The following DIAPH3 variants were observed in gnomAD, a reference collection of about 807,000 sequenced individuals.
DIAPH3 encodes the protein protein diaphanous homolog 3.
DIAPH3 carries 117 observed loss-of-function variants against 144.3 expected under a neutral mutation model. The ratio of observed to expected loss-of-function variants is 0.81; its 90% CI spans 0.70 to 0.95. DIAPH3 has a LOEUF of 0.95. Among genes scored for constraint, DIAPH3 ranks in the 40% least tolerant of loss-of-function variants. The probability of loss-of-function intolerance (pLI) is 0.00; values close to 1 mark genes in which losing one functional copy is unlikely to be tolerated. For missense variants in DIAPH3, 1,421 were observed against 1,412.7 expected (o/e 1.01, Z -0.09); for synonymous variants, 519 against 488.9 (o/e 1.06, Z -0.81).
At chr13:59,814,478 G>C (rs1355014259) in intron 24 of DIAPH3, among the ~76,000 whole-genome samples, 4 of 152,132 alleles carry the variant, frequency 2.6e-5, no homozygotes, top group Admixed American at 1.3e-4. Context: ...GTGAGTCTGA[G>C]ACTAATATCC....
chr13:59,770,460 A>AATAAAAAC (rs2038067236), intron 27 of DIAPH3, among the ~76,000 whole-genome samples: 1 of 152,154 alleles, frequency 6.6e-6, no homozygotes, highest in Admixed American at 6.6e-5. Flanking sequence ...ACAGACACTG[A>AATAAAAAC]ATAAAAACAT....
intron 20 of DIAPH3, among the ~76,000 whole-genome samples, chr13:59,888,316 C>T (rs2045576397): frequency 6.6e-6 from 1 of 152,078 alleles, no homozygotes; most frequent in African/African-American, 2.4e-5. Context: ...TGGGCCCTCA[C>T]CAGAAATGGA....
chr13:60,044,460 G>A (rs549031290), intron 4 of DIAPH3: 1 of 152,250 alleles, frequency 6.6e-6, no homozygotes, highest in South Asian at 2.1e-4. Flanking sequence ...TGAAAGCTAT[G>A]AAAATGAACA....
At chr13:59,932,884 T>G (rs761410798) in intron 17 of DIAPH3, among the ~76,000 whole-genome samples, 4 of 152,208 alleles carry the variant, frequency 2.6e-5, no homozygotes, top group Admixed American at 6.5e-5. Context: ...TGAAGCCAGA[T>G]AATGAGTCTA....
intron 25 of DIAPH3, among the ~76,000 whole-genome samples, chr13:59,803,383 T>C (rs933233614): frequency 6.6e-6 from 1 of 152,174 alleles, no homozygotes; most frequent in Non-Finnish European, 1.5e-5. Context: ...CATTTAATCT[T>C]TTATTCCCAG....
chr13:59,818,970 A>G (rs1217877191), intron 24 of DIAPH3, among the ~76,000 whole-genome samples: 2 of 151,654 alleles, frequency 1.3e-5, no homozygotes, highest in Non-Finnish European at 3.0e-5. Flanking sequence ...AATATTTCAT[A>G]TATTGTTACT....
chr13:59,688,310 T>A (rs2033324616), intron 27 of DIAPH3, among the ~76,000 whole-genome samples: 1 of 152,008 alleles, frequency 6.6e-6, no homozygotes, highest in Admixed American at 6.6e-5. Context: ...CCCAAACATA[T>A]TAAAAATGTC....
intron 22 of DIAPH3, among the ~76,000 whole-genome samples, chr13:59,843,113 C>T (rs2042435451): frequency 6.6e-6 from 1 of 152,208 alleles, no homozygotes; most frequent in Admixed American, 6.5e-5. Flanking sequence ...CCCTACCTGT[C>T]TTTAGTCACT....
At chr13:60,090,559 GTA>G (rs2057896493) in intron 4 of DIAPH3, among the ~76,000 whole-genome samples, 1 of 152,086 alleles carries the variant, frequency 6.6e-6, no homozygotes, top group East Asian at 1.9e-4. Flanking sequence ...CATAACAAAA[GTA>G]TATCTTTTTT....
At chr13:59,796,184 G>C (rs576144701) in intron 25 of DIAPH3, among the ~76,000 whole-genome samples, 7 of 152,322 alleles carry the variant, frequency 4.6e-5, no homozygotes, top group African/African-American at 1.7e-4. Flanking sequence ...GGCGTAAATG[G>C]TGGGCTAATT....
chr13:59,857,871 T>C (rs1035676463), intron 22 of DIAPH3, among the ~76,000 whole-genome samples: 10 of 152,116 alleles, frequency 6.6e-5, no homozygotes, highest in Admixed American at 5.2e-4. Flanking sequence ...CAGCTCTGCA[T>C]TGAGATGCTG....
At chr13:59,844,339 C>T (rs2042508560) in intron 22 of DIAPH3, among the ~76,000 whole-genome samples, 1 of 151,824 alleles carries the variant, frequency 6.6e-6, no homozygotes, top group African/African-American at 2.4e-5. Flanking sequence ...CCCGTCTCTA[C>T]TAAAAATATA....
intron 3 of DIAPH3, among the ~76,000 whole-genome samples, chr13:60,106,624 A>G (rs2138025101): frequency 6.6e-6 from 1 of 152,256 alleles, no homozygotes; most frequent in African/African-American, 2.4e-5. Context: ...ACACATATAA[A>G]CTGAACACAT....
intron 5 of DIAPH3, among the ~76,000 whole-genome samples, chr13:60,019,214 C>A (rs2053849636): frequency 6.6e-6 from 1 of 152,012 alleles, no homozygotes; most frequent in African/African-American, 2.4e-5. Flanking sequence ...TAAGAAGCAA[C>A]CTAGAAAAAA....
At chr13:59,889,542 T>C (rs1252795222) in intron 20 of DIAPH3, among the ~76,000 whole-genome samples, 1 of 152,114 alleles carries the variant, frequency 6.6e-6, no homozygotes, top group Non-Finnish European at 1.5e-5. Flanking sequence ...GCTTTAGTTC[T>C]TTGAACATAT....
chr13:60,143,111 C>T (rs1951351629), intron 1 of DIAPH3, among the ~76,000 whole-genome samples: 1 of 152,058 alleles, frequency 6.6e-6, no homozygotes, highest in Non-Finnish European at 1.5e-5. Flanking sequence ...ACCAACCTAC[C>T]TTGGTTTCTG....
At chr13:59,708,749 C>A (rs768147435) in intron 27 of DIAPH3, among the ~76,000 whole-genome samples, 1 of 152,042 alleles carries the variant, frequency 6.6e-6, no homozygotes, top group Non-Finnish European at 1.5e-5. Context: ...ACTGGCAATC[C>A]CCCAATTTAT....
At chr13:59,737,140 T>C (rs149052384) in intron 27 of DIAPH3, among the ~76,000 whole-genome samples, 43 of 152,138 alleles carry the variant, frequency 2.8e-4, no homozygotes, top group Middle Eastern at 3.4e-3. Flanking sequence ...ACAAAAACAA[T>C]TGACAAATGG....
chr13:60,068,458 A>G (rs1465305226), intron 4 of DIAPH3, among the ~76,000 whole-genome samples: 1 of 152,070 alleles, frequency 6.6e-6, no homozygotes, highest in Non-Finnish European at 1.5e-5. Context: ...TCTTCCATTG[A>G]CTTTTCAGAT....
Sources: allele counts gnomAD v4.1 joint callset (sites outside exome capture counted in the v4.1 genomes callset), GRCh38; gene constraint gnomAD v4.1.1; transcripts MANE v1.5; gene names NCBI Gene and HGNC (gene_info 2026-07-23, HGNC 2026-07-21).